SMG5: variants seen among roughly 807,000 people sequenced by gnomAD.
The protein encoded by SMG5 is nonsense-mediated mRNA decay factor SMG5.
Under a neutral mutation model 122.9 loss-of-function variants are expected in SMG5, and 53 were observed. That is an observed-to-expected ratio of 0.43 (90% confidence interval 0.35 to 0.54). The LOEUF is 0.54. Among genes scored for constraint, SMG5 ranks in the 20% least tolerant of loss-of-function variants. The pLI is 0.01. For missense variants in SMG5, 1,153 were observed against 1,285.6 expected, an observed-to-expected ratio of 0.90 and a Z score of 1.58; for synonymous variants, 477 against 490.2, an observed-to-expected ratio of 0.97 and a Z score of 0.35.
At chr1:156,261,208 G>T in intron 14 of SMG5, 125 bp downstream of exon 14, 1 of 873,024 alleles carries the variant, frequency 1.1e-6, no homozygotes, top group South Asian at 1.5e-5. Context: ...CTGTGTGCTA[G>T]GGAGGCTGGC....
chr1:156,251,163 T>C (rs1572569612), intron 20 of SMG5, 167 bp from the exon 21 acceptor site: 10 of 1,004,916 alleles, frequency 1.0e-5, no homozygotes, highest in Admixed American at 4.9e-5. Flanking sequence ...CAAAGGTGCA[T>C]TGAGGGAAAA....
upstream of SMG5, chr1:156,285,569 G>T (rs151038552): frequency 6.2e-7 from 1 of 1,614,216 alleles, no homozygotes; most frequent in South Asian, 1.1e-5. Flanking sequence ...GGAGCTGCCC[G>T]AAGACGATGC....
Position 156,266,185 on chromosome 1 carries a change from T to C in SMG5, c.1451A>G (p.His484Arg), listed in dbSNP as rs150787248. 8 of 1,614,236 alleles carry C rather than the reference T, an allele frequency of 5.0e-6. No homozygotes were observed. Among genetic ancestry groups the C allele is most frequent in the Non-Finnish European group, 6.8e-6 (8 of 1,180,048 alleles). Reference sequence around the variant, plus strand: ...GCCCTCACTGGCCCGGGCTGAGTCATGGCTTGAGTCCGATTCAAAGCCTTC... The same window carrying C: ...GCCCTCACTGGCCCGGGCTGAGTCACGGCTTGAGTCCGATTCAAAGCCTTC... ...LSEGFESDSS[H>R]DSARASEGSD... Residue 484 changes from histidine (H) to arginine (R), a missense_variant, in exon 12 of 22, where the codon CAT becomes CGT. By Grantham distance (29) the His-to-Arg change is conservative. Transcript: ENST00000361813.
At chr1:156,278,076 G>A (rs1477275460) in intron 2 of SMG5, 28 bp from the exon 3 acceptor site, 1 of 1,612,484 alleles carries the variant, frequency 6.2e-7, no homozygotes, top group Admixed American at 1.7e-5. Flanking sequence ...GCATGAGAGA[G>A]ACAGCCCATC....
intron 2 of SMG5, 139 bp from the exon 3 acceptor site, chr1:156,278,187 A>T: frequency 2.9e-6 from 3 of 1,024,802 alleles, no homozygotes. Context: ...GGTCAATATG[A>T]CCCAGCACAA....
chr1:156,255,119 A>G (rs1338678839), intron 16 of SMG5, among the ~76,000 whole-genome samples: 1 of 150,056 alleles, frequency 6.7e-6, no homozygotes, highest in Non-Finnish European at 1.5e-5. Context: ...AAAATAAAAT[A>G]AAATAAAATA....
intron 1 of SMG5, among the ~76,000 whole-genome samples, chr1:156,282,164 T>C (rs1241421265): frequency 6.6e-6 from 1 of 152,172 alleles, no homozygotes; most frequent in African/African-American, 2.4e-5. Flanking sequence ...GGTCACACCG[T>C]GAGAGAGTGG....
chr1:156,260,654 A>T, intron 14 of SMG5, 28 bp from the exon 15 acceptor site: 1 of 1,478,134 alleles, frequency 6.8e-7, no homozygotes, highest in Non-Finnish European at 8.9e-7. Context: ...ACATAAGACC[A>T]TCTGTCCTGT....
intron 7 of SMG5, among the ~76,000 whole-genome samples, chr1:156,268,802 T>C (rs12060657): frequency 0.02 from 3,101 of 152,266 alleles, 98 homozygotes; most frequent in African/African-American, 0.072. Flanking sequence ...CTATTTCAGT[T>C]AATCCTCCCA....
chr1:156,281,591 G>C (rs554727589), intron 1 of SMG5, among the ~76,000 whole-genome samples: 1 of 152,350 alleles, frequency 6.6e-6, no homozygotes, highest in South Asian at 2.1e-4. Context: ...AAGAGAAAAA[G>C]ACAACATGCT....
intron 13 of SMG5, among the ~76,000 whole-genome samples, chr1:156,263,040 T>C (rs914756655): frequency 2.6e-5 from 4 of 152,212 alleles, no homozygotes; most frequent in Non-Finnish European, 5.9e-5. Context: ...TCTGTCACTA[T>C]CCTCTACTCA....
At chr1:156,269,044 C>T (rs1301260096) in intron 7 of SMG5, among the ~76,000 whole-genome samples, 1 of 151,786 alleles carries the variant, frequency 6.6e-6, no homozygotes, top group African/African-American at 2.4e-5. Context: ...AATCTCAGCT[C>T]ACTGCAACAT....
At position 156,250,511 on chromosome 1, in the gene SMG5, C is replaced by T. The variant is rs976736441; in HGVS notation, c.*76G>A. On this transcript the variant is annotated 3_prime_UTR_variant, in exon 22 of 22. Coordinates refer to ENST00000361813, the MANE Select transcript of SMG5 (RefSeq NM_015327.3). ...GAGTCTGCGTGTGGTGGGGTGACTA[C>T]AGGTGCTGGTCCTGGCTGCCAGGGA... 7 of 1,286,154 alleles carry T rather than the reference C, an allele frequency of 5.4e-6. No homozygotes were observed. In the African/African-American group the frequency reaches 1.0e-4, roughly 19 times the overall value. The allele number at this position is 1,286,154 out of a possible 1,614,324, so 79.7% of individuals were successfully genotyped here.
At chr1:156,268,077 T>C in intron 9 of SMG5, 38 bp downstream of exon 9, 6 of 1,605,008 alleles carry the variant, frequency 3.7e-6, no homozygotes, top group Non-Finnish European at 5.1e-6. Flanking sequence ...TGGCTGGGGC[T>C]CACAGGATAG....
intron 1 of SMG5, among the ~76,000 whole-genome samples, chr1:156,281,234 C>A (rs1465720370): frequency 6.6e-6 from 1 of 152,232 alleles, no homozygotes; most frequent in Non-Finnish European, 1.5e-5. Context: ...GTAAGCCACA[C>A]AGGCAAACAC....
chr1:156,262,026 C>T (rs977619359), intron 13 of SMG5, among the ~76,000 whole-genome samples: 1 of 152,056 alleles, frequency 6.6e-6, no homozygotes, highest in African/African-American at 2.4e-5. Flanking sequence ...TATGCCACTG[C>T]ACTGCAGCCT....
intron 16 of SMG5, among the ~76,000 whole-genome samples, chr1:156,256,310 C>CTTT (rs533116327): frequency 2.3e-5 from 2 of 86,960 alleles, no homozygotes; most frequent in African/African-American, 3.5e-5. Flanking sequence ...CATCTTCTCT[C>CTTT]TTTTTTTTTT....
intron 17 of SMG5, 63 bp downstream of exon 17, chr1:156,253,386 C>T: frequency 6.5e-7 from 1 of 1,537,316 alleles, no homozygotes; most frequent in Non-Finnish European, 9.0e-7. Flanking sequence ...GGAGACCTGC[C>T]AGTAGGGTTG....
intron 19 of SMG5, among the ~76,000 whole-genome samples, chr1:156,252,102 T>TA (rs1661381078): frequency 6.6e-6 from 1 of 152,286 alleles, no homozygotes; most frequent in African/African-American, 2.4e-5. Context: ...GTTCACAGTC[T>TA]AAAGTTGGGG....
Sources: gnomAD v4.1 joint callset for allele counts (sites outside exome capture counted in the v4.1 genomes callset) on GRCh38, gnomAD v4.1.1 for gene constraint, MANE v1.5 for transcripts, NCBI Gene and HGNC (gene_info 2026-07-23, HGNC 2026-07-21) for gene names.